KDELR2: variants seen among roughly 807,000 people sequenced by gnomAD.
KDELR2 encodes KDEL endoplasmic reticulum protein retention receptor 2, also known as ER lumen protein-retaining receptor 2.
KDELR2 carries 15 observed loss-of-function variants against 23.9 expected under a neutral mutation model. The observed-to-expected ratio is 0.63, with a 90% CI of 0.42 to 0.97. The LOEUF (loss-of-function observed/expected upper bound fraction) is 0.97. KDELR2 is among the 50% of genes least tolerant of loss of function. The pLI, the probability that KDELR2 is intolerant of heterozygous loss-of-function variation, is 0.00. For synonymous variants in KDELR2, 119 were observed against 106.2 expected (o/e 1.12, Z -0.74); for missense variants, 272 against 254.6 (o/e 1.07, Z -0.46).
At chr7:6,467,136 T>G (rs1785519525) in intron 3 of KDELR2, among the ~76,000 whole-genome samples, 2 of 152,180 alleles carry the variant, frequency 1.3e-5, no homozygotes, top group Non-Finnish European at 2.9e-5. Flanking sequence ...CCCTCTTCAA[T>G]TTTCTATGAA....
rs796761031 is a variant in KDELR2, at chr7:6,469,477, G to A, written c.351+119C>T. ...GCACCATGTTGGCCAGGCTGGTCTC[G>A]AACTCCTGACCTCATGATCCACCCA... On this transcript the variant is annotated intron_variant, in intron 3 of 4. Transcript: ENST00000258739. 1.5e-4 allele frequency: 137 copies of A among 892,964 alleles called. 1 individual carries two copies. Among genetic ancestry groups the A allele is most frequent in the African/African-American group, 5.1e-5 (3 of 59,238 alleles). The allele number at this position is 892,964 out of a possible 1,614,324, so 55.3% of individuals were successfully genotyped here.
intron 1 of KDELR2, among the ~76,000 whole-genome samples, chr7:6,475,263 A>G (rs1013822824): frequency 1.4e-4 from 21 of 152,032 alleles, no homozygotes; most frequent in African/African-American, 5.1e-4. Flanking sequence ...CATCTCTACG[A>G]AAAATAGAAA....
In KDELR2 at chr7:6,474,259, C is replaced by T; in HGVS notation, c.117G>A (p.Leu39=). 3.1e-6 allele frequency: 5 copies of T among 1,613,660 alleles called. 1 individual carries two copies. The highest frequency in any genetic ancestry group is 2.2e-5 in the South Asian group (2 of 91,070). The part of the protein sequence containing the change: ...CAGISGKSQL[L]FALVFTTRYL... ...AACGAGTTGTGAAGACCAGTGCAAACAGAAGCTGGCTTTTCCCAGAAATAC... is the reference window on the plus strand; with the variant it reads ...AACGAGTTGTGAAGACCAGTGCAAATAGAAGCTGGCTTTTCCCAGAAATAC... Residue 39 remains leucine, a synonymous_variant, in exon 2 of 5, where the codon CTG becomes CTA. Coordinates refer to ENST00000258739, the MANE Select transcript of KDELR2 (RefSeq NM_006854.4).
chr7:6,478,469 C>T (rs1269486862), intron 1 of KDELR2, among the ~76,000 whole-genome samples: 2 of 152,170 alleles, frequency 1.3e-5, no homozygotes, highest in African/African-American at 4.8e-5. Context: ...TAACTCCTAG[C>T]AAGACTAAGC....
rs867528666 is a variant in KDELR2 at position 6,484,075 on chromosome 7, C to T, written c.-18G>A. 3 of 1,469,048 alleles carry T rather than the reference C, an allele frequency of 2.0e-6. No homozygotes were observed. Among genetic ancestry groups the T allele is most frequent in the East Asian group, 3.0e-5 (1 of 33,138 alleles). 91.0% of individuals were successfully genotyped at this position (1,469,048 alleles called of 1,614,324 possible). On this transcript the variant is annotated 5_prime_UTR_variant, in exon 1 of 5. Transcript: ENST00000258739. ...ATGTTCATGGCGGCGGCGGCGGTGG[C>T]GGTCGGCGCAGCGCGGCGGCCCCGG...
intron 3 of KDELR2, among the ~76,000 whole-genome samples, chr7:6,467,059 A>G (rs753193514): frequency 6.6e-6 from 1 of 152,172 alleles, no homozygotes; most frequent in Non-Finnish European, 1.5e-5. Flanking sequence ...CAGTGTGACA[A>G]GCTGGGTAAC....
chr7:6,475,322 G>A (rs1307920475), intron 1 of KDELR2, among the ~76,000 whole-genome samples: 2 of 152,260 alleles, frequency 1.3e-5, no homozygotes, highest in East Asian at 3.9e-4. Context: ...AGCTACATGG[G>A]AGGTTGAGGT....
At chr7:6,467,454 T>C (rs1583316249) in intron 3 of KDELR2, among the ~76,000 whole-genome samples, 1 of 152,160 alleles carries the variant, frequency 6.6e-6, no homozygotes, top group African/African-American at 2.4e-5. Context: ...CAGAGGGTCC[T>C]TGAGTATTTT....
intron 2 of KDELR2, among the ~76,000 whole-genome samples, chr7:6,473,528 C>G (rs1274741722): frequency 1.3e-5 from 2 of 151,984 alleles, no homozygotes; most frequent in Admixed American, 6.6e-5. Context: ...TAGTTATACA[C>G]TAGTTTTAAT....
intron 1 of KDELR2, among the ~76,000 whole-genome samples, chr7:6,475,886 T>C (rs538728582): frequency 1.1e-4 from 17 of 152,288 alleles, no homozygotes; most frequent in African/African-American, 3.6e-4. Context: ...TTCACAACAC[T>C]CCTCTGGAAC....
At chr7:6,483,113 A>G (rs938885429) in intron 1 of KDELR2, among the ~76,000 whole-genome samples, 17 of 152,204 alleles carry the variant, frequency 1.1e-4, no homozygotes, top group African/African-American at 4.1e-4. Context: ...ACTGCCGCCT[A>G]GCAGTGCCTG....
At chr7:6,464,258 C>T (rs376589094) in intron 4 of KDELR2, among the ~76,000 whole-genome samples, 28 of 130,758 alleles carry the variant, frequency 2.1e-4, no homozygotes, top group African/African-American at 5.5e-4. Flanking sequence ...TGGTGGCTCA[C>T]GCCTGTAATC....
chr7:6,467,659 G>A (rs1785530086), intron 3 of KDELR2, among the ~76,000 whole-genome samples: 1 of 152,144 alleles, frequency 6.6e-6, no homozygotes. Flanking sequence ...TACTCGGGAG[G>A]CTGAGGCAGG....
chr7:6,481,436 G>A (rs1785889515), intron 1 of KDELR2, among the ~76,000 whole-genome samples: 1 of 151,506 alleles, frequency 6.6e-6, no homozygotes, highest in African/African-American at 2.4e-5. Context: ...AAATATCTTA[G>A]TTTGGATAAA....
chr7:6,462,963 G>A lies in KDELR2; in HGVS notation c.*178C>T, dbSNP rs746829543. 6.2e-7 allele frequency: 1 copy of A among 1,610,726 alleles called. No homozygotes were observed. The highest frequency in any genetic ancestry group is 2.2e-5 in the East Asian group (1 of 44,864). ...GTAATAAAAAAAGATAAGGCAAGAT[G>A]CATTAAACAGAAACCTTCTGGCTCT... On this transcript the variant is annotated 3_prime_UTR_variant, in exon 5 of 5. Coordinates refer to ENST00000258739, the MANE Select transcript of KDELR2 (RefSeq NM_006854.4).
intron 1 of KDELR2, among the ~76,000 whole-genome samples, chr7:6,478,330 T>G (rs1174611192): frequency 6.6e-6 from 1 of 151,942 alleles, no homozygotes; most frequent in East Asian, 1.9e-4. Context: ...ATTTTTTTTG[T>G]AGAGACAGGG....
chr7:6,467,746 G>T (rs997636630), intron 3 of KDELR2, among the ~76,000 whole-genome samples: 1 of 152,074 alleles, frequency 6.6e-6, no homozygotes, highest in Non-Finnish European at 1.5e-5. Context: ...GGGTGACAGC[G>T]AGACTCTGTC....
intron 2 of KDELR2, among the ~76,000 whole-genome samples, chr7:6,472,962 C>T (rs1016536086): frequency 6.9e-6 from 1 of 144,348 alleles, no homozygotes; most frequent in Non-Finnish European, 1.5e-5. Flanking sequence ...GGCTGGAGGG[C>T]AGTGGTGCAA....
At chr7:6,478,506 G>A (rs754520657) in intron 1 of KDELR2, among the ~76,000 whole-genome samples, 4 of 152,028 alleles carry the variant, frequency 2.6e-5, no homozygotes, top group East Asian at 3.9e-4. Flanking sequence ...TTGGTCTTTC[G>A]TTATTCTTCA....
Sources: gnomAD v4.1 joint callset for allele counts (sites outside exome capture counted in the v4.1 genomes callset) on GRCh38, gnomAD v4.1.1 for gene constraint, MANE v1.5 for transcripts, NCBI Gene and HGNC (gene_info 2026-07-23, HGNC 2026-07-21) for gene names.